Variants in FSCN1 observed in about 807,000 individuals in gnomAD.
FSCN1 encodes fascin.
A neutral mutation model predicts 39.7 loss-of-function variants in FSCN1; 10 were observed. That is an observed-to-expected ratio of 0.25 (90% confidence interval 0.16 to 0.43). The LOEUF is 0.43. Ranked by LOEUF, FSCN1 falls within the 20% of genes least tolerant of loss-of-function variation. The pLI is 1.00. For missense variants in FSCN1, 525 were observed against 723.8 expected (o/e 0.73, Z 3.15); for synonymous variants, 322 against 320.0 (o/e 1.01, Z -0.07).
At chr7:5,604,186 G>C (rs577780245) in intron 4 of FSCN1, among the ~76,000 whole-genome samples, 156 bp downstream of exon 4, 1 of 152,284 alleles carries the variant, frequency 6.6e-6, no homozygotes, top group Admixed American at 6.5e-5. Context: ...GCCACCAGGG[G>C]CTCTGGGATG....
chr7:5,592,942 C>T lies in FSCN1; in HGVS notation c.6C>T (p.Thr2=), dbSNP rs746295828. Reference sequence around the variant, plus strand: ...GCCTCTCGTCTACTGCCACCATGACCGCCAACGGCACAGCCGAGGCGGTGC... The same window carrying T: ...GCCTCTCGTCTACTGCCACCATGACTGCCAACGGCACAGCCGAGGCGGTGC... M[T]ANGTAEAVQI... Residue 2 remains threonine, a synonymous_variant, in exon 1 of 5, where the codon ACC becomes ACT. Transcript: ENST00000382361. The surrounding 1 kb of genome is among the most constrained non-coding windows in gnomAD (Gnocchi z 5.3). The T allele has an allele frequency of 1.3e-6, 2 of 1,528,192 alleles. No homozygotes were observed. The highest frequency in any genetic ancestry group is 1.8e-6 in the Non-Finnish European group (2 of 1,137,198). The allele number at this position is 1,528,192 out of a possible 1,614,324, so 94.7% of individuals were successfully genotyped here. A position where few individuals can be genotyped will look rare whatever the true frequency, so the allele number is the denominator to read the frequency against.
rs187612290 is a variant in FSCN1, at chr7:5,599,983, G to A, written c.833-3274G>A. 7.9e-5 allele frequency among the ~76,000 whole-genome samples: 12 copies of A among 152,300 alleles called. No homozygotes were observed. Among genetic ancestry groups the A allele is most frequent in the African/African-American group, 2.6e-4 (11 of 41,570 alleles). ...GGCACCCATACAGAGCCCGGCAGAC[G>A]CCTCTGCTGCTGCAGTTCTTAGAAT... On this transcript the variant is annotated intron_variant, in intron 1 of 4. Coordinates refer to ENST00000382361, the MANE Select transcript of FSCN1 (RefSeq NM_003088.4). This position sits in a 1 kb window ranked among gnomAD's most constrained non-coding sequence, Gnocchi z 5.6.
At chr7:5,596,317 G>A (rs533392326) in intron 1 of FSCN1, among the ~76,000 whole-genome samples, 1 of 152,308 alleles carries the variant, frequency 6.6e-6, no homozygotes, top group African/African-American at 2.4e-5. Flanking sequence ...CTGCACGGGC[G>A]GGCCCGGTGG....
At position 5,593,531 on chromosome 7, in the gene FSCN1, G is replaced by A. The variant is rs1254960652; in HGVS notation, c.595G>A (p.Asp199Asn). 3 of 1,600,074 alleles carry A rather than the reference G, an allele frequency of 1.9e-6. No individual in the cohort carries two copies. In the African/African-American group the frequency reaches 4.0e-5, roughly 21 times the overall value. The change falls in exon 1 of 5, where the codon GAC (aspartate) becomes AAC (asparagine). Residue 199 changes from aspartate to asparagine, a missense_variant. Around this residue, in one of 3 missense-constraint regions of FSCN1, gnomAD observed 246 missense variants for 350.6 expected, o/e 0.70. Transcript: ENST00000382361. ...CGCCGACCACCGCTTCCTGCGCCAC[G>A]ACGGGCGCCTGGTGGCGCGCCCCGA... ...QTADHRFLRHDGRLVARPEPA... is the reference protein window; with the variant it reads ...QTADHRFLRHNGRLVARPEPA...
chr7:5,593,557 G>A lies in FSCN1; in HGVS notation c.621G>A (p.Glu207=). ...RHDGRLVARP[E]PATGYTLEFR... is the part of the protein sequence containing the mutation. The stretch of plus-strand genomic sequence containing the variant: ...ACGGGCGCCTGGTGGCGCGCCCCGA[G>A]CCGGCCACTGGCTACACGCTGGAGT... The change falls in exon 1 of 5, where the codon GAG becomes GAA. Residue 207 remains glutamate (E), a synonymous_variant. Coordinates refer to ENST00000382361, the MANE Select transcript of FSCN1 (RefSeq NM_003088.4). The A allele has an allele frequency of 6.3e-7, 1 of 1,585,572 alleles. No individual in the cohort carries two copies. The highest frequency in any genetic ancestry group is 8.5e-7 in the Non-Finnish European group (1 of 1,171,378).
At position 5,606,423 on chromosome 7, in the gene FSCN1, G is replaced by A. The variant is rs1785934744; in HGVS notation, c.*949G>A. On this transcript the variant is annotated 3_prime_UTR_variant, in exon 5 of 5. Transcript: ENST00000382361. This position sits in a 1 kb window ranked among gnomAD's most constrained non-coding sequence, Gnocchi z 5.1. ...CTGGGCCAGAGCCCCTGCTGTGATTGGTGCTCCCTGGGCCTCCCGGGTGGA... is the reference window on the plus strand; with the variant it reads ...CTGGGCCAGAGCCCCTGCTGTGATTAGTGCTCCCTGGGCCTCCCGGGTGGA... 6.6e-6 allele frequency: 1 copy of A among 152,002 alleles called. No homozygotes were observed. The highest frequency in any genetic ancestry group is 2.4e-5 in the African/African-American group (1 of 41,392). The allele number at this position is 152,002 out of a possible 1,614,324, so 9.4% of individuals were successfully genotyped here. A position where few individuals can be genotyped will look rare whatever the true frequency, so the allele number is the denominator to read the frequency against.
At position 5,603,399 on chromosome 7, in the gene FSCN1, C is replaced by T. The variant is rs1481234501; in HGVS notation, c.975C>T (p.Ser325=). 4 of 1,613,560 alleles carry T rather than the reference C, an allele frequency of 2.5e-6. No individual in the cohort carries two copies. The highest frequency in any genetic ancestry group is 3.4e-6 in the Non-Finnish European group (4 of 1,180,018). ...WTLTATGGVQ[S]TASSKNASCY... is the part of the protein sequence containing the mutation. ...TGACGGCCACCGGGGGCGTGCAGTC[C>T]ACCGCCTCCAGCAAGTGAGTGCCTC... is the stretch of plus-strand genomic sequence containing the variant. The change falls in exon 2 of 5, where the codon TCC becomes TCT. Residue 325 remains serine, a synonymous_variant. Transcript: ENST00000382361. This position sits in a 1 kb window ranked among gnomAD's most constrained non-coding sequence, Gnocchi z 8.5.
chr7:5,602,980 G>C (rs911972446), intron 1 of FSCN1: 2 of 486,984 alleles, frequency 4.1e-6, no homozygotes, highest in Non-Finnish European at 7.4e-6. Context: ...AAAGTGTTGC[G>C]ATCACAGGCA....
In FSCN1 at chr7:5,593,787, C is replaced by A. The variant is rs781383682; in HGVS notation, c.832+19C>A. The A allele has an allele frequency of 1.4e-6, 2 of 1,477,884 alleles. No individual in the cohort carries two copies. The highest frequency in any genetic ancestry group is 1.8e-6 in the Non-Finnish European group (2 of 1,093,546). The allele number at this position is 1,477,884 out of a possible 1,614,324, so 91.5% of individuals were successfully genotyped here. The stretch of plus-strand genomic sequence containing the variant: ...CGCCAGGGTGAGTGGGGACGCTGCC[C>A]CCGCCTCTCCTGGTCCGTGCACAAA... On this transcript the variant is annotated intron_variant, in intron 1 of 4. Transcript: ENST00000382361.
chr7:5,600,685 G>A (rs1237765984), intron 1 of FSCN1, among the ~76,000 whole-genome samples: 2 of 149,430 alleles, frequency 1.3e-5, no homozygotes, highest in Non-Finnish European at 3.0e-5. Flanking sequence ...ACAGAGTCTC[G>A]CATTGTCGCC....
At chr7:5,598,909 ACATGCAGGCCCTTCTGAG>A (rs1375689486) in intron 1 of FSCN1, among the ~76,000 whole-genome samples, 3 of 152,200 alleles carry the variant, frequency 2.0e-5, no homozygotes, top group African/African-American at 7.2e-5. Context: ...CTGTAGGTAG[ACATGCAGGCCCTTCTGAG>A]CAGAATGAGG....
Position 5,603,439 on chromosome 7 carries a change from C to G in FSCN1, c.989+26C>G. On this transcript the variant is annotated intron_variant, in intron 2 of 4. Coordinates refer to ENST00000382361, the MANE Select transcript of FSCN1 (RefSeq NM_003088.4). The surrounding 1 kb of genome is among the most constrained non-coding windows in gnomAD (Gnocchi z 8.5). ...GTGAGTGCCTCGCTCCCACCTGTCA[C>G]CGCCCCCACCACCTTGCCTGGGCTA... 6.2e-7 allele frequency: 1 copy of G among 1,613,806 alleles called. No homozygotes were observed. The highest frequency in any genetic ancestry group is 1.1e-5 in the South Asian group (1 of 91,076).
intron 4 of FSCN1, among the ~76,000 whole-genome samples, chr7:5,604,616 G>C (rs1279279325): frequency 1.3e-4 from 19 of 151,704 alleles, no homozygotes; most frequent in African/African-American, 4.6e-4. Context: ...TTACAGGTGT[G>C]CACCACCACG....
At chr7:5,597,025 G>A (rs1243861367) in intron 1 of FSCN1, among the ~76,000 whole-genome samples, 1 of 152,158 alleles carries the variant, frequency 6.6e-6, no homozygotes, top group Non-Finnish European at 1.5e-5. Flanking sequence ...GCAACCAGGG[G>A]GTGCCCCTCT....
At chr7:5,594,831 C>G (rs568601167) in intron 1 of FSCN1, 1 of 152,404 alleles carries the variant, frequency 6.6e-6, no homozygotes, top group South Asian at 2.1e-4. Context: ...GTGAACCCAT[C>G]CCCTAGGGCG....
In FSCN1 at chr7:5,606,245, A is replaced by C. The variant is rs1240857540; in HGVS notation, c.*771A>C. ...ACCAAATCAGTATTTTTTTTAATGA[A>C]ATATTATTGCTGGAGGCGTCCCAGG... On this transcript the variant is annotated 3_prime_UTR_variant, in exon 5 of 5. Coordinates refer to ENST00000382361, the MANE Select transcript of FSCN1 (RefSeq NM_003088.4). The surrounding 1 kb of genome is among the most constrained non-coding windows in gnomAD (Gnocchi z 5.1). The C allele has an allele frequency of 1.3e-5, 2 of 152,120 alleles. No homozygotes were observed. The highest frequency in any genetic ancestry group is 4.8e-5 in the African/African-American group (2 of 41,384). The allele number at this position is 152,120 out of a possible 1,614,324, so 9.4% of individuals were successfully genotyped here.
intron 1 of FSCN1, among the ~76,000 whole-genome samples, chr7:5,601,082 C>G (rs974054806): frequency 6.6e-6 from 1 of 151,554 alleles, no homozygotes; most frequent in Admixed American, 6.6e-5. Context: ...GGCCACTGTG[C>G]CCGGCCAGTC....
chr7:5,594,169 C>T (rs937372800), intron 1 of FSCN1: 2 of 201,656 alleles, frequency 9.9e-6, no homozygotes, highest in Admixed American at 1.2e-4. Flanking sequence ...GCCGGCTGTC[C>T]TGGAGCTCGG....
chr7:5,594,741 G>T lies in FSCN1; in HGVS notation c.832+973G>T, dbSNP rs1490910148. 3 of 152,152 alleles carry T rather than the reference G, an allele frequency of 2.0e-5. No homozygotes were observed. In the East Asian group the frequency reaches 5.8e-4, roughly 29 times the overall value. The allele number at this position is 152,152 out of a possible 1,614,324, so 9.4% of individuals were successfully genotyped here. On this transcript the variant is annotated intron_variant, in intron 1 of 4. Coordinates refer to ENST00000382361, the MANE Select transcript of FSCN1 (RefSeq NM_003088.4). ...TCTCCAGGCCGGTGCGCTGAGCTCC[G>T]CTCCGCGGGCGACCGAGGGCGGCTT...
Sources: gnomAD v4.1 joint callset for allele counts (sites outside exome capture counted in the v4.1 genomes callset) on GRCh38, gnomAD v4.1.1 for gene constraint, gnomAD v4.1.1 regional missense constraint, Gnocchi (gnomAD v3.1) non-coding constraint, MANE v1.5 for transcripts, NCBI Gene and HGNC (gene_info 2026-07-23, HGNC 2026-07-21) for gene names.